Variants in RSPH14 observed in about 807,000 individuals in gnomAD.
RSPH14 encodes rhabdoid tumor deletion region gene 1.
In RSPH14, 20 loss-of-function variants were observed where a neutral mutation model predicts 26.7. That is an observed-to-expected ratio of 0.75 (90% CI 0.53 to 1.09). The LOEUF is 1.09. Ranked by LOEUF, RSPH14 falls within the 50% of genes least tolerant of loss-of-function variation. The pLI is 0.00. For synonymous variants in RSPH14, 177 were observed against 189.3 expected, an observed-to-expected ratio of 0.93 and a Z score of 0.53; for missense variants, 449 against 457.2, an observed-to-expected ratio of 0.98 and a Z score of 0.16.
intron 4 of RSPH14, among the ~76,000 whole-genome samples, chr22:23,092,870 A>G (rs1411858960): frequency 6.6e-6 from 1 of 152,248 alleles, no homozygotes; most frequent in Non-Finnish European, 1.5e-5. Flanking sequence ...ATTGAGAAGA[A>G]CAGTCATGAC....
In RSPH14 at chr22:23,061,715, T is replaced by C. The variant is rs2068096947; in HGVS notation, c.790+94A>G. 7.3e-6 allele frequency: 11 copies of C among 1,509,530 alleles called. No homozygotes were observed. The South Asian group carries it at 1.3e-4, about 18-fold the overall frequency. 93.5% of individuals were successfully genotyped at this position (1,509,530 alleles called of 1,614,324 possible). On this transcript the variant is annotated intron_variant, in intron 6 of 6. Transcript: ENST00000216036. ...TTTTTTTTTTGCAAAGTGTGGAGTT[T>C]GGGGGACGATACCCAGCCCCTGAGT... is the stretch of plus-strand genomic sequence containing the variant.
At chr22:23,060,909 A>G (rs1601722207) in intron 6 of RSPH14, among the ~76,000 whole-genome samples, 1 of 151,982 alleles carries the variant, frequency 6.6e-6, no homozygotes, top group South Asian at 2.1e-4. Context: ...CCCTCCAAGC[A>G]CTCCTACAGA....
Position 23,070,055 on chromosome 22 carries a change from G to A in RSPH14, c.422-5922C>T, listed in dbSNP as rs547920590. ...GGTGGCCCCTGGGGCTCGGCTACCA[G>A]GCCTCAGCGCAGCGGAGTCGGTGGA... On this transcript the variant is annotated intron_variant, in intron 4 of 6. Transcript: ENST00000216036. Among the ~76,000 whole-genome samples the A allele has an allele frequency of 5.3e-5, 8 of 152,270 alleles. 1 individual carries two copies. The highest frequency in any genetic ancestry group is 3.3e-4 in the Admixed American group (5 of 15,306).
At chr22:23,136,182 C>T (rs1386046616) in intron 3 of RSPH14, 11 of 691,426 alleles carry the variant, frequency 1.6e-5, no homozygotes, top group Non-Finnish European at 2.1e-5. Flanking sequence ...TGTGCCTCCT[C>T]ACCAGAGGCA....
At chr22:23,110,936 G>C (rs1267633240) in intron 4 of RSPH14, among the ~76,000 whole-genome samples, 1 of 152,224 alleles carries the variant, frequency 6.6e-6, no homozygotes, top group East Asian at 1.9e-4. Flanking sequence ...CATGTTGTCT[G>C]TCCTCTTGTC....
the RSPH14 span, among the ~76,000 whole-genome samples, chr22:23,177,570 T>C: frequency 6.6e-6 from 1 of 152,250 alleles, no homozygotes; most frequent in Non-Finnish European, 1.5e-5. Flanking sequence ...GCCCATGCCC[T>C]GCTGCATTCC....
At chr22:23,156,081 C>T in the RSPH14 span, 5 of 1,527,598 alleles carry the variant, frequency 3.3e-6, no homozygotes, top group Non-Finnish European at 4.5e-6. Context: ...CAGCGGGGTC[C>T]CTGCCGGGCT....
At chr22:23,128,339 C>G (rs1261153943) in intron 4 of RSPH14, among the ~76,000 whole-genome samples, 1 of 152,214 alleles carries the variant, frequency 6.6e-6, no homozygotes, top group East Asian at 1.9e-4. Flanking sequence ...GCCTGCCAGG[C>G]CTCCCCCTCT....
At chr22:23,072,789 T>G (rs2068412166) in intron 4 of RSPH14, among the ~76,000 whole-genome samples, 1 of 152,224 alleles carries the variant, frequency 6.6e-6, no homozygotes. Context: ...CCCCAGCCTC[T>G]CAGTCCTTTT....
At chr22:23,135,646 CA>C (rs901432888) in intron 3 of RSPH14, among the ~76,000 whole-genome samples, 6 of 151,422 alleles carry the variant, frequency 4.0e-5, no homozygotes, top group African/African-American at 1.5e-4. Context: ...ATGGTTTAAG[CA>C]AAAAAAATAT....
the RSPH14 span, among the ~76,000 whole-genome samples, chr22:23,175,000 A>AAT: frequency 6.9e-6 from 1 of 144,838 alleles, no homozygotes; most frequent in African/African-American, 2.6e-5. Flanking sequence ...TAAAAAAAAA[A>AAT]TTTTTTTTTT....
At chr22:23,085,667 C>T (rs549043464) in intron 4 of RSPH14, among the ~76,000 whole-genome samples, 2 of 152,286 alleles carry the variant, frequency 1.3e-5, no homozygotes, top group African/African-American at 4.8e-5. Flanking sequence ...CCCTTCAACA[C>T]CAGTACCAGT....
At position 23,133,987 on chromosome 22, in the gene RSPH14, T is replaced by G. The variant is rs761999000; in HGVS notation, c.421+39A>C. The G allele has an allele frequency of 5.4e-6, 8 of 1,482,714 alleles. No homozygotes were observed. The East Asian group carries it at 1.8e-4, about 34-fold the overall frequency. 91.8% of individuals were successfully genotyped at this position (1,482,714 alleles called of 1,614,324 possible). On this transcript the variant is annotated intron_variant, in intron 4 of 6. Transcript: ENST00000216036. ...CTGGAGAGGAGACCGACGGACAACT[T>G]GAGTGCCCGACAGATCTGTGTGCAG...
At chr22:23,162,568 A>ACATG in the RSPH14 span, 1 of 448,272 alleles carries the variant, frequency 2.2e-6, no homozygotes, top group Admixed American at 2.4e-5. Flanking sequence ...CGCCTCCTGC[A>ACATG]CATGCAGAGC....
upstream of RSPH14, among the ~76,000 whole-genome samples, chr22:23,148,313 G>C (rs538664731): frequency 1.8e-4 from 27 of 152,336 alleles, no homozygotes; most frequent in Non-Finnish European, 3.5e-4. Flanking sequence ...GGTAACTAGG[G>C]ATGACAGAGA....
intron 6 of RSPH14, among the ~76,000 whole-genome samples, chr22:23,061,068 A>C (rs926451262): frequency 6.6e-6 from 1 of 152,178 alleles, no homozygotes; most frequent in African/African-American, 2.4e-5. Context: ...TCCCATCTGC[A>C]TACCTCAAGC....
At chr22:23,096,476 C>T (rs554311232) in intron 4 of RSPH14, 1 of 1,532,330 alleles carries the variant, frequency 6.5e-7, no homozygotes, top group South Asian at 1.2e-5. Flanking sequence ...TTCCTGGAAG[C>T]AAGAGGACTC....
intron 4 of RSPH14, among the ~76,000 whole-genome samples, chr22:23,105,890 T>G (rs995998857): frequency 5.3e-5 from 8 of 152,316 alleles, no homozygotes; most frequent in South Asian, 2.1e-4. Flanking sequence ...GTCCTCCCAG[T>G]TGGGCAGGAG....
At chr22:23,074,209 A>G (rs2068450481) in intron 4 of RSPH14, among the ~76,000 whole-genome samples, 1 of 152,254 alleles carries the variant, frequency 6.6e-6, no homozygotes, top group African/African-American at 2.4e-5. Context: ...ACACTTTGAA[A>G]AGATCTCTCT....
Sources: gnomAD v4.1 joint callset for allele counts (sites outside exome capture counted in the v4.1 genomes callset) on GRCh38, gnomAD v4.1.1 for gene constraint, MANE v1.5 for transcripts, NCBI Gene and HGNC (gene_info 2026-07-23, HGNC 2026-07-21) for gene names.